Variants in ZFHX3 observed in about 807,000 individuals in gnomAD.
The protein encoded by ZFHX3 is zinc finger homeobox 3.
Under a neutral mutation model 279.1 loss-of-function variants are expected in ZFHX3, and 42 were observed. The observed-to-expected ratio is 0.15, with a 90% CI of 0.12 to 0.19. The LOEUF (loss-of-function observed/expected upper bound fraction) is 0.19. ZFHX3 is among the 10% of genes least tolerant of loss of function. The pLI is 1.00. For missense variants in ZFHX3, 4,981 were observed against 4,754.0 expected, an observed-to-expected ratio of 1.05 and a Z score of -1.40; for synonymous variants, 2,293 against 1,957.8, an observed-to-expected ratio of 1.17 and a Z score of -4.52.
At chr16:73,627,639 G>C (rs8056942) in intron 2 of ZFHX3, among the ~76,000 whole-genome samples, 125,660 of 152,244 alleles carry the variant, frequency 0.83, 52,684 homozygotes, top group East Asian at 0.99. Flanking sequence ...AGCTGTTGGG[G>C]TGGGCGCAGT....
intron 2 of ZFHX3, among the ~76,000 whole-genome samples, chr16:73,638,326 T>C (rs1414131636): frequency 6.6e-6 from 1 of 152,214 alleles, no homozygotes; most frequent in African/African-American, 2.4e-5. Context: ...GGAGCTCTTA[T>C]TGCTTTGTAC....
intron 9 of ZFHX3, chr16:72,789,499 A>ACAGGAGAAGAGAGAACG (rs1567509907): frequency 6.6e-6 from 1 of 152,346 alleles, no homozygotes; most frequent in Non-Finnish European, 1.5e-5. Flanking sequence ...GAGAGCGGCA[A>ACAGGAGAAGAGAGAACG]CAGGAGAAGA....
chr16:73,768,103 C>T (rs1417262989), intron 1 of ZFHX3, among the ~76,000 whole-genome samples: 1 of 152,156 alleles, frequency 6.6e-6, no homozygotes, highest in Non-Finnish European at 1.5e-5. Context: ...CAACCCTTGG[C>T]CACTTACTGT....
intron 4 of ZFHX3, among the ~76,000 whole-genome samples, chr16:73,310,715 A>G (rs1156871977): frequency 2.0e-5 from 3 of 152,258 alleles, no homozygotes; most frequent in Non-Finnish European, 4.4e-5. Flanking sequence ...AGCATTATTT[A>G]TAACAGCAAA....
intron 6 of ZFHX3, among the ~76,000 whole-genome samples, chr16:73,139,180 T>A (rs1966839772): frequency 6.6e-6 from 1 of 152,230 alleles, no homozygotes; most frequent in African/African-American, 2.4e-5. Context: ...AGGGAATTAG[T>A]TAAATAAACA....
At chr16:73,593,318 A>AG (rs1370024258) in intron 2 of ZFHX3, among the ~76,000 whole-genome samples, 2 of 152,142 alleles carry the variant, frequency 1.3e-5, no homozygotes, top group East Asian at 3.8e-4. Context: ...GTACATTATG[A>AG]GAAAAAAAAA....
At chr16:72,947,241 G>A (rs1444461004) in intron 3 of ZFHX3, among the ~76,000 whole-genome samples, 1 of 152,132 alleles carries the variant, frequency 6.6e-6, no homozygotes, top group Non-Finnish European at 1.5e-5. Context: ...TCCAGGAGGT[G>A]CAAAAGAAAA....
chr16:73,252,452 G>A (rs1048026138), intron 5 of ZFHX3, among the ~76,000 whole-genome samples: 1 of 152,172 alleles, frequency 6.6e-6, no homozygotes, highest in African/African-American at 2.4e-5. Context: ...AACCTGAATG[G>A]CTAACAGGCC....
intron 1 of ZFHX3, among the ~76,000 whole-genome samples, chr16:73,680,874 A>C (rs1285436583): frequency 1.3e-5 from 2 of 152,198 alleles, no homozygotes; most frequent in African/African-American, 4.8e-5. Flanking sequence ...TATTGTGTGG[A>C]AACCATTATT....
intron 8 of ZFHX3, among the ~76,000 whole-genome samples, chr16:73,070,936 G>GCA (rs1288169998): frequency 1.1e-3 from 11 of 9,978 alleles, no homozygotes; most frequent in African/African-American, 1.5e-3. Context: ...GCGCGCGCGC[G>GCA]CGCACACACA....
intron 5 of ZFHX3, among the ~76,000 whole-genome samples, chr16:73,206,596 T>C (rs1164343671): frequency 6.6e-6 from 1 of 152,218 alleles, no homozygotes; most frequent in African/African-American, 2.4e-5. Context: ...TCTTCTCCTT[T>C]ATCAACATGT....
chr16:73,251,874 T>C (rs1375189152), intron 5 of ZFHX3, among the ~76,000 whole-genome samples: 1 of 94,944 alleles, frequency 1.1e-5, no homozygotes, highest in Non-Finnish European at 2.0e-5. Flanking sequence ...GCACACACCA[T>C]GCACACACAC....
chr16:73,787,852 T>TGTGAGA (rs766922630), intron 1 of ZFHX3, among the ~76,000 whole-genome samples: 1 of 132,450 alleles, frequency 7.6e-6, no homozygotes, highest in African/African-American at 2.8e-5. Context: ...TGTGTGTGTG[T>TGTGAGA]GAAAGAGAGA....
intron 1 of ZFHX3, among the ~76,000 whole-genome samples, chr16:73,839,366 A>AAAAAAAAAAAAT (rs1961238431): frequency 7.5e-6 from 1 of 133,892 alleles, no homozygotes; most frequent in Non-Finnish European, 1.6e-5. Flanking sequence ...AAAAAAAAAA[A>AAAAAAAAAAAAT]GTTAGGTCTG....
At chr16:72,855,100 A>G (rs1378756355) in intron 4 of ZFHX3, among the ~76,000 whole-genome samples, 1 of 152,204 alleles carries the variant, frequency 6.6e-6, no homozygotes, top group African/African-American at 2.4e-5. Context: ...GAGAAGATTT[A>G]TGCTGCAATT....
At chr16:73,170,984 G>T (rs370389753) in intron 5 of ZFHX3, among the ~76,000 whole-genome samples, 27 of 152,230 alleles carry the variant, frequency 1.8e-4, no homozygotes, top group African/African-American at 6.3e-4. Context: ...GACAGCGTGC[G>T]GCAGGGATTC....
rs71156147 is a variant in ZFHX3 at position 73,187,144 on chromosome 16, TCA to T, written c.-1103-43315_-1103-43314del. Among the ~76,000 whole-genome samples, 358 of 146,934 alleles carry T rather than the reference TCA, an allele frequency of 2.4e-3. 1 individual carries two copies. The highest frequency in any genetic ancestry group is 0.015 in the East Asian group (75 of 4,896). On this transcript the variant is annotated intron_variant, in intron 5 of 17. Coordinates refer to the ZFHX3 transcript ENST00000641206. ...CGGGGGGATGGACAAGTTGTATGTC[TCA>T]CACACACACACACACACACACACAC... is the stretch of plus-strand genomic sequence containing the variant.
intron 1 of ZFHX3, among the ~76,000 whole-genome samples, chr16:73,834,063 A>C (rs2142361278): frequency 6.6e-6 from 1 of 152,188 alleles, no homozygotes; most frequent in South Asian, 2.1e-4. Context: ...GGGAGACATT[A>C]GTGATGTGCT....
chr16:73,766,389 G>C (rs998301055), intron 1 of ZFHX3, among the ~76,000 whole-genome samples: 5 of 151,846 alleles, frequency 3.3e-5, no homozygotes, highest in Non-Finnish European at 7.4e-5. Flanking sequence ...ATCTCTCTTG[G>C]GTCTTTTAGG....
Sources: gnomAD v4.1 joint callset for allele counts (sites outside exome capture counted in the v4.1 genomes callset) on GRCh38, gnomAD v4.1.1 for gene constraint, MANE v1.5 for transcripts, NCBI Gene and HGNC (gene_info 2026-07-23, HGNC 2026-07-21) for gene names.